Variants in IL1RAP observed in about 807,000 individuals in gnomAD.
IL1RAP encodes the protein interleukin-1 receptor accessory protein.
In IL1RAP, 35 loss-of-function variants were observed where a neutral mutation model predicts 60.7. That is an observed-to-expected ratio of 0.58 (90% CI 0.44 to 0.76). The LOEUF is 0.76. IL1RAP is among the 30% of genes least tolerant of loss of function. IL1RAP has a pLI of 0.00. For synonymous variants in IL1RAP, 268 were observed against 250.9 expected, an observed-to-expected ratio of 1.07 and a Z score of -0.64; for missense variants, 572 against 693.9, an observed-to-expected ratio of 0.82 and a Z score of 1.97.
intron 11 of IL1RAP, among the ~76,000 whole-genome samples, chr3:190,646,569 G>A (rs184728631): frequency 1.3e-5 from 2 of 152,162 alleles, no homozygotes; most frequent in East Asian, 1.9e-4. Context: ...TTTTAGATCC[G>A]CACAGTAACA....
intron 7 of IL1RAP, among the ~76,000 whole-genome samples, chr3:190,626,411 T>C (rs894522552): frequency 6.6e-6 from 1 of 152,176 alleles, no homozygotes; most frequent in Admixed American, 6.5e-5. Context: ...AACCTCATGT[T>C]CCATCTCAGA....
At chr3:190,561,503 T>C (rs374899604) in intron 2 of IL1RAP, among the ~76,000 whole-genome samples, 5 of 152,170 alleles carry the variant, frequency 3.3e-5, no homozygotes, top group African/African-American at 9.7e-5. Context: ...CCAGTTACTC[T>C]TGGGAATATC....
chr3:190,647,288 A>C (rs1346210121), intron 11 of IL1RAP, among the ~76,000 whole-genome samples: 1 of 152,118 alleles, frequency 6.6e-6, no homozygotes, highest in Non-Finnish European at 1.5e-5. Flanking sequence ...ACTGTTTCTG[A>C]ACCTGTGAAG....
intron 3 of IL1RAP, among the ~76,000 whole-genome samples, chr3:190,601,501 A>G (rs55818579): frequency 0.082 from 12,457 of 152,182 alleles, 576 homozygotes; most frequent in African/African-American, 0.11. Flanking sequence ...TCTTGGAAAA[A>G]CTAGTTGTTA....
intron 4 of IL1RAP, 127 bp downstream of exon 4, chr3:190,604,540 G>A (rs1730134836): frequency 7.0e-6 from 7 of 995,868 alleles, no homozygotes; most frequent in Admixed American, 2.8e-5. Flanking sequence ...TGAGGTAATT[G>A]TCTGCAGCTT....
chr3:190,525,043 T>C (rs1722393792), intron 1 of IL1RAP, among the ~76,000 whole-genome samples: 1 of 152,146 alleles, frequency 6.6e-6, no homozygotes, highest in Non-Finnish European at 1.5e-5. Context: ...AGTGTCTATT[T>C]ATCTATATAT....
At chr3:190,535,311 CA>C (rs1723361064) in intron 1 of IL1RAP, among the ~76,000 whole-genome samples, 1 of 152,150 alleles carries the variant, frequency 6.6e-6, no homozygotes. Context: ...TTACAGAAAC[CA>C]TCAAGCTATG....
At chr3:190,553,283 T>C (rs1016855889) in intron 1 of IL1RAP, among the ~76,000 whole-genome samples, 1 of 152,194 alleles carries the variant, frequency 6.6e-6, no homozygotes. Flanking sequence ...AAATCCTTTT[T>C]CATAATTAAA....
At chr3:190,656,529 C>G in exon 12 of IL1RAP, 2 of 1,537,300 alleles carry the variant, frequency 1.3e-6, no homozygotes, top group South Asian at 1.2e-5. Context: ...GATTGGAACC[C>G]CCTGCTCCCC....
intron 8 of IL1RAP, among the ~76,000 whole-genome samples, chr3:190,627,675 T>G (rs1732426456): frequency 6.6e-6 from 1 of 152,214 alleles, no homozygotes; most frequent in African/African-American, 2.4e-5. Flanking sequence ...TGAATTAGAA[T>G]GTTCTGAGGC....
chr3:190,590,236 G>C (rs1434523890), intron 3 of IL1RAP, among the ~76,000 whole-genome samples: 1 of 151,826 alleles, frequency 6.6e-6, no homozygotes, highest in African/African-American at 2.4e-5. Context: ...TGTGGCAACT[G>C]TGGACAGGAT....
intron 9 of IL1RAP, among the ~76,000 whole-genome samples, chr3:190,635,953 T>A (rs1733187653): frequency 6.6e-6 from 1 of 152,210 alleles, no homozygotes; most frequent in Non-Finnish European, 1.5e-5. Flanking sequence ...TCCTTCAGGT[T>A]CAATTTCCAG....
At chr3:190,573,050 AG>A in intron 3 of IL1RAP, among the ~76,000 whole-genome samples, 3 of 45,686 alleles carry the variant, frequency 6.6e-5, no homozygotes, top group Non-Finnish European at 1.6e-4. Flanking sequence ...TTTTTAGTAG[AG>A]ACGGGGTTTC....
chr3:190,523,659 G>A (rs1722269475), intron 1 of IL1RAP, among the ~76,000 whole-genome samples: 1 of 152,052 alleles, frequency 6.6e-6, no homozygotes, highest in Admixed American at 6.6e-5. Context: ...AAGGATAATG[G>A]TCCCCAGCTC....
intron 1 of IL1RAP, among the ~76,000 whole-genome samples, chr3:190,548,282 A>G (rs1724560722): frequency 6.6e-6 from 1 of 152,134 alleles, no homozygotes; most frequent in African/African-American, 2.4e-5. Flanking sequence ...TCCATATGTA[A>G]AATAAAAGTA....
intron 3 of IL1RAP, among the ~76,000 whole-genome samples, chr3:190,572,862 T>TTTTTTTG (rs1553840840): frequency 7.5e-5 from 2 of 26,736 alleles, no homozygotes. Context: ...ATGCTTTGTT[T>TTTTTTTG]TTTTTTTTTT....
At chr3:190,548,905 C>T (rs1027010973) in intron 1 of IL1RAP, among the ~76,000 whole-genome samples, 31 of 151,996 alleles carry the variant, frequency 2.0e-4, no homozygotes, top group Admixed American at 2.0e-3. Flanking sequence ...ATGGCTTGGG[C>T]TCCCCCTTCT....
chr3:190,517,788 A>G (rs184564457), intron 1 of IL1RAP: 5 of 152,270 alleles, frequency 3.3e-5, no homozygotes, highest in Admixed American at 1.3e-4. Context: ...AAATCAGAGG[A>G]CGTAGAAAAA....
chr3:190,647,161 G>A (rs112561416), intron 11 of IL1RAP, among the ~76,000 whole-genome samples: 3,794 of 151,920 alleles, frequency 0.025, 82 homozygotes, highest in South Asian at 0.077. Context: ...TTTGACTCTG[G>A]GTCTCTTGCC....
Sources: allele counts gnomAD v4.1 joint callset (sites outside exome capture counted in the v4.1 genomes callset), GRCh38; gene constraint gnomAD v4.1.1; transcripts MANE v1.5; gene names NCBI Gene and HGNC (gene_info 2026-07-23, HGNC 2026-07-21).